The following CSMD1 variants were observed in gnomAD, a reference collection of about 807,000 sequenced individuals.
The protein encoded by CSMD1 is CUB and Sushi multiple domains 1.
Under a neutral mutation model 417.5 loss-of-function variants are expected in CSMD1, and 213 were observed. That is an observed-to-expected ratio of 0.51 (90% CI 0.46 to 0.57). The LOEUF is 0.57. CSMD1 is among the 20% of genes least tolerant of loss of function. CSMD1 has a pLI of 0.00. For synonymous variants in CSMD1, 2,862 were observed against 1,736.8 expected (o/e 1.65, Z -16.11); for missense variants, 6,923 against 4,529.7 (o/e 1.53, Z -15.17).
At chr8:4,019,034 A>G (rs978371137) in intron 4 of CSMD1, among the ~76,000 whole-genome samples, 12 of 152,218 alleles carry the variant, frequency 7.9e-5, no homozygotes, top group African/African-American at 1.7e-4. Flanking sequence ...ACTAAGATGA[A>G]ATCTTTATCG....
chr8:4,941,950 G>A (rs140072803), intron 1 of CSMD1, among the ~76,000 whole-genome samples: 37 of 152,216 alleles, frequency 2.4e-4, no homozygotes, highest in Non-Finnish European at 5.1e-4. Flanking sequence ...GTTTTTATCT[G>A]CTTCTTCCAG....
intron 3 of CSMD1, among the ~76,000 whole-genome samples, chr8:4,275,744 C>T (rs1796449110): frequency 6.6e-6 from 1 of 152,142 alleles, no homozygotes; most frequent in Non-Finnish European, 1.5e-5. Context: ...TTTACACACA[C>T]CTGTGCAAAA....
intron 10 of CSMD1, among the ~76,000 whole-genome samples, chr8:3,497,651 A>C (rs1050708237): frequency 6.6e-6 from 1 of 152,320 alleles, no homozygotes; most frequent in African/African-American, 2.4e-5. Context: ...TGCATGGACT[A>C]TCTCTTGTAA....
chr8:3,842,833 C>T (rs1269962794), intron 5 of CSMD1, among the ~76,000 whole-genome samples: 2 of 152,096 alleles, frequency 1.3e-5, no homozygotes, highest in African/African-American at 4.8e-5. Context: ...TAGCAGATGG[C>T]TGCTACAATA....
Position 3,298,454 on chromosome 8 carries a change from A to ATCTC in CSMD1, c.3950+9237_3950+9240dup, listed in dbSNP as rs60181891. ...GACACATAATTAATAAAACTGTACA[A>ATCTC]TCTCTCTCTCTCTTTTTTAGACAGA... is the stretch of plus-strand genomic sequence containing the variant. On this transcript the variant is annotated intron_variant, in intron 25 of 69. Transcript: ENST00000635120. Among the ~76,000 whole-genome samples the ATCTC allele has an allele frequency of 3.3e-5, 5 of 151,852 alleles. No individual in the cohort carries two copies. In the South Asian group the frequency reaches 1.0e-3, roughly 32 times the overall value.
chr8:3,873,804 A>G (rs879135127), intron 5 of CSMD1, among the ~76,000 whole-genome samples: 2 of 152,206 alleles, frequency 1.3e-5, no homozygotes, highest in Admixed American at 1.3e-4. Flanking sequence ...ACTGGGAGAA[A>G]GAAAAGCACA....
intron 7 of CSMD1, among the ~76,000 whole-genome samples, chr8:3,621,375 C>A (rs183279373): frequency 6.6e-6 from 1 of 151,990 alleles, no homozygotes; most frequent in African/African-American, 2.4e-5. Flanking sequence ...AGGTTAAAAA[C>A]GAAGAGTAAT....
intron 2 of CSMD1, among the ~76,000 whole-genome samples, chr8:4,462,367 A>G (rs988157899): frequency 6.6e-6 from 1 of 152,174 alleles, no homozygotes; most frequent in African/African-American, 2.4e-5. Context: ...ATGGAAAAAT[A>G]TTTCATGTAC....
At chr8:4,470,885 T>G (rs1434193011) in intron 2 of CSMD1, among the ~76,000 whole-genome samples, 1 of 152,240 alleles carries the variant, frequency 6.6e-6, no homozygotes, top group African/African-American at 2.4e-5. Flanking sequence ...TATTTTTAAG[T>G]AACTCTTAAT....
intron 3 of CSMD1, among the ~76,000 whole-genome samples, chr8:4,257,528 G>A (rs571330629): frequency 6.6e-6 from 1 of 151,760 alleles, no homozygotes; most frequent in Non-Finnish European, 1.5e-5. Context: ...ATACAGTTTT[G>A]AATAAAGTCC....
intron 2 of CSMD1, among the ~76,000 whole-genome samples, chr8:4,523,697 C>G (rs965154411): frequency 6.6e-6 from 1 of 152,170 alleles, no homozygotes; most frequent in African/African-American, 2.4e-5. Flanking sequence ...ATGAAATGAT[C>G]TGCTGACACC....
At chr8:3,792,611 C>A (rs1455830369) in intron 5 of CSMD1, among the ~76,000 whole-genome samples, 1 of 152,158 alleles carries the variant, frequency 6.6e-6, no homozygotes, top group African/African-American at 2.4e-5. Context: ...CTTTCACCCT[C>A]AGACAAATCA....
chr8:4,213,404 T>C (rs1345299957), intron 3 of CSMD1, among the ~76,000 whole-genome samples: 1 of 152,142 alleles, frequency 6.6e-6, no homozygotes, highest in Non-Finnish European at 1.5e-5. Context: ...TCCATCCTAA[T>C]CACTGCTGGT....
In CSMD1 at chr8:4,266,024, C is replaced by T. The variant is rs1301696420; in HGVS notation, c.415+153929G>A. 1.9e-5 allele frequency among the ~76,000 whole-genome samples: 2 copies of T among 103,804 alleles called. 1 individual carries two copies. The highest frequency in any genetic ancestry group is 5.2e-5 in the Non-Finnish European group (2 of 38,714). 68.1% of individuals were successfully genotyped at this position (103,804 alleles called of 152,430 possible). ...TGTAAGTCATCCCAAACCGGCCCACCGCACTCAGGCTCGCCCGGCATATTA... is the reference window on the plus strand; with the variant it reads ...TGTAAGTCATCCCAAACCGGCCCACTGCACTCAGGCTCGCCCGGCATATTA... On this transcript the variant is annotated intron_variant, in intron 3 of 69. Transcript: ENST00000635120.
In CSMD1 at chr8:3,854,717, G is replaced by T. The variant is rs536330617; in HGVS notation, c.819-100675C>A. On this transcript the variant is annotated intron_variant, in intron 5 of 69. Coordinates refer to ENST00000635120, the MANE Select transcript of CSMD1 (RefSeq NM_033225.6). ...GAGTCGGGAAGATGAGACAGCGGGG[G>T]AAATGAGTAAGAGAAACTCCAGAGG... is the stretch of plus-strand genomic sequence containing the variant. Among the ~76,000 whole-genome samples the T allele has an allele frequency of 2.1e-3, 308 of 149,670 alleles. 2 individuals are homozygous for T. Among genetic ancestry groups the T allele is most frequent in the African/African-American group, 7.1e-3 (285 of 40,376 alleles).
chr8:4,006,768 G>C (rs1816148346), intron 4 of CSMD1, among the ~76,000 whole-genome samples: 2 of 151,106 alleles, frequency 1.3e-5, no homozygotes, highest in South Asian at 4.2e-4. Flanking sequence ...ATTTATTACG[G>C]CTTATATCAC....
rs145205792 is a variant in CSMD1 at position 3,653,554 on chromosome 8, G to C, written c.1010-36757C>G. ...GAACTCCTGACCTCAAGTAATCAGC[G>C]CACCTCAGCCTCCCAAAGTGCTGGG... is the stretch of plus-strand genomic sequence containing the variant. On this transcript the variant is annotated intron_variant, in intron 7 of 69. Coordinates refer to ENST00000635120, the MANE Select transcript of CSMD1 (RefSeq NM_033225.6). 9.3e-4 allele frequency among the ~76,000 whole-genome samples: 142 copies of C among 152,120 alleles called. 1 individual carries two copies. In the East Asian group the frequency reaches 0.016, roughly 17 times the overall value.
At chr8:3,277,475 A>C (rs13257063) in intron 26 of CSMD1, among the ~76,000 whole-genome samples, 7 of 151,906 alleles carry the variant, frequency 4.6e-5, no homozygotes, top group Admixed American at 4.6e-4. Flanking sequence ...TTTTGGATCT[A>C]TTTTGAATAG....
intron 3 of CSMD1, among the ~76,000 whole-genome samples, chr8:4,356,821 G>A (rs1801458974): frequency 6.6e-6 from 1 of 152,134 alleles, no homozygotes; most frequent in Non-Finnish European, 1.5e-5. Flanking sequence ...CTTGACAATG[G>A]CGCACATTCC....
Sources: gnomAD v4.1 joint callset for allele counts (sites outside exome capture counted in the v4.1 genomes callset) on GRCh38, gnomAD v4.1.1 for gene constraint, MANE v1.5 for transcripts, NCBI Gene and HGNC (gene_info 2026-07-23, HGNC 2026-07-21) for gene names.